ABHD3: variants seen among roughly 807,000 people sequenced by gnomAD.
ABHD3 encodes the protein abhydrolase domain containing 3, phospholipase.
Under a neutral mutation model 48.8 loss-of-function variants are expected in ABHD3, and 46 were observed. That is an observed-to-expected ratio of 0.94 (90% confidence interval 0.74 to 1.20). ABHD3 has a LOEUF of 1.20. Among genes scored for constraint, ABHD3 ranks in the 50% most tolerant of loss-of-function variants. The pLI is 0.00. For synonymous variants in ABHD3, 192 were observed against 183.7 expected, an observed-to-expected ratio of 1.04 and a Z score of -0.36; for missense variants, 490 against 497.8, an observed-to-expected ratio of 0.98 and a Z score of 0.15.
intron 4 of ABHD3, among the ~76,000 whole-genome samples, chr18:21,674,968 C>T (rs1431242749): frequency 6.6e-6 from 1 of 152,016 alleles, no homozygotes; most frequent in African/African-American, 2.4e-5. Context: ...ACTCTAAGTC[C>T]CTCCTACACT....
intron 4 of ABHD3, among the ~76,000 whole-genome samples, chr18:21,680,594 T>C (rs550878529): frequency 6.6e-5 from 10 of 152,062 alleles, no homozygotes; most frequent in Non-Finnish European, 1.2e-4. Flanking sequence ...TACTAGTTAA[T>C]CAAAATTTAA....
chr18:21,660,672 T>C (rs567051257), intron 5 of ABHD3, among the ~76,000 whole-genome samples: 4 of 152,302 alleles, frequency 2.6e-5, no homozygotes, highest in Non-Finnish European at 5.9e-5. Context: ...CTCATTCTTT[T>C]TTCCAGTTCA....
chr18:21,676,273 A>G (rs1197513931), intron 4 of ABHD3, among the ~76,000 whole-genome samples: 3 of 152,252 alleles, frequency 2.0e-5, no homozygotes, highest in African/African-American at 7.2e-5. Flanking sequence ...TCATTTACTC[A>G]TTTAAATGTT....
chr18:21,684,062 AAAAG>A, intron 3 of ABHD3, 97 bp from the exon 4 acceptor site: 1 of 1,058,650 alleles, frequency 9.4e-7, no homozygotes, highest in Non-Finnish European at 1.4e-6. Context: ...TTAGAGCACT[AAAAG>A]ATTTTAAAAA....
In ABHD3 at chr18:21,701,002, T is replaced by C. The variant is rs754744411; in HGVS notation, c.509+1314A>G. ...GAACCAAGCCTCACATCTAACTGTA[T>C]GGTGCTTAAACATGGAATAATGATG... On this transcript the variant is annotated intron_variant, in intron 3 of 8. Transcript: ENST00000289119. 2.0e-5 allele frequency among the ~76,000 whole-genome samples: 3 copies of C among 148,018 alleles called. No individual in the cohort carries two copies. The South Asian group carries it at 6.4e-4, about 32-fold the overall frequency.
intron 5 of ABHD3, among the ~76,000 whole-genome samples, chr18:21,661,268 T>C (rs1032735263): frequency 1.3e-5 from 2 of 152,084 alleles, no homozygotes; most frequent in Non-Finnish European, 2.9e-5. Context: ...TACTGTATGA[T>C]AGTTTGAAAT....
At chr18:21,697,211 G>A (rs2040390867) in intron 3 of ABHD3, among the ~76,000 whole-genome samples, 1 of 150,806 alleles carries the variant, frequency 6.6e-6, no homozygotes, top group Admixed American at 6.6e-5. Context: ...GAGTAGCTGG[G>A]ACTACAGGCA....
Position 21,664,633 on chromosome 18 carries a change from T to G in ABHD3, c.556-403A>C, listed in dbSNP as rs192982113. ...CCCTCAAAGACAAAATAACCTTTTT[T>G]TTTGTTTGTTTTGGAAAGACAGAGT... On this transcript the variant is annotated intron_variant, in intron 4 of 8. Transcript: ENST00000289119. 5.0e-4 allele frequency: 79 copies of G among 159,274 alleles called. 1 individual carries two copies. The highest frequency in any genetic ancestry group is 3.0e-3 in the Admixed American group (47 of 15,540). 9.9% of individuals were successfully genotyped at this position (159,274 alleles called of 1,614,324 possible). A position where few individuals can be genotyped will look rare whatever the true frequency, so the allele number is the denominator to read the frequency against.
intron 3 of ABHD3, among the ~76,000 whole-genome samples, chr18:21,694,710 T>G (rs995548999): frequency 6.6e-6 from 1 of 152,190 alleles, no homozygotes; most frequent in Non-Finnish European, 1.5e-5. Flanking sequence ...ACTCATCGAA[T>G]GGGTGATCCA....
chr18:21,703,834 C>T, intron 1 of ABHD3, 87 bp from the exon 2 acceptor site: 1 of 1,460,918 alleles, frequency 6.8e-7, no homozygotes. Flanking sequence ...TTGTCGCTCG[C>T]GCGCGCGCTT....
intron 4 of ABHD3, among the ~76,000 whole-genome samples, chr18:21,667,136 C>T (rs2039649631): frequency 1.4e-5 from 2 of 147,636 alleles, no homozygotes; most frequent in Admixed American, 1.4e-4. Flanking sequence ...TGCAGTGGTG[C>T]GATCTCGGCT....
chr18:21,697,651 G>A (rs1457033181), intron 3 of ABHD3, among the ~76,000 whole-genome samples: 1 of 152,208 alleles, frequency 6.6e-6, no homozygotes, highest in Non-Finnish European at 1.5e-5. Context: ...AAGGTGCTGG[G>A]ATAAGAGGCC....
At chr18:21,658,871 C>T (rs563233371) in intron 6 of ABHD3, among the ~76,000 whole-genome samples, 7 of 143,514 alleles carry the variant, frequency 4.9e-5, no homozygotes, top group Admixed American at 4.3e-4. Flanking sequence ...CGGAGTCTTG[C>T]TCTGTCACCC....
intron 5 of ABHD3, among the ~76,000 whole-genome samples, chr18:21,663,014 C>A (rs569041059): frequency 6.6e-6 from 1 of 152,132 alleles, no homozygotes; most frequent in African/African-American, 2.4e-5. Flanking sequence ...AGAGAGTCTG[C>A]GTGGGTTTTC....
At chr18:21,659,984 TTG>T (rs904057761) in intron 5 of ABHD3, among the ~76,000 whole-genome samples, 6 of 146,390 alleles carry the variant, frequency 4.1e-5, no homozygotes, top group South Asian at 2.2e-4. Context: ...TTTTTTTTTT[TTG>T]AGATAGGCTC....
intron 3 of ABHD3, among the ~76,000 whole-genome samples, chr18:21,684,916 C>A (rs556442123): frequency 6.6e-6 from 1 of 152,142 alleles, no homozygotes; most frequent in Non-Finnish European, 1.5e-5. Flanking sequence ...GGTAAATGGG[C>A]TCAGATCAAT....
intron 4 of ABHD3, among the ~76,000 whole-genome samples, chr18:21,668,980 C>T (rs865790724): frequency 1.3e-5 from 2 of 152,014 alleles, no homozygotes; most frequent in Admixed American, 6.6e-5. Flanking sequence ...CCCAGGTACT[C>T]GGGAGGCTGA....
chr18:21,686,179 A>C (rs575968025), intron 3 of ABHD3, among the ~76,000 whole-genome samples: 11 of 152,358 alleles, frequency 7.2e-5, no homozygotes, highest in African/African-American at 2.6e-4. Flanking sequence ...ACATACAGAA[A>C]AGTCAGAGTA....
chr18:21,668,192 A>C (rs1175808234), intron 4 of ABHD3, among the ~76,000 whole-genome samples: 7 of 110,524 alleles, frequency 6.3e-5, no homozygotes, highest in Non-Finnish European at 1.2e-4. Flanking sequence ...CAAAGCAAGA[A>C]TCTATCTCAA....
Sources: gnomAD v4.1 joint callset for allele counts (sites outside exome capture counted in the v4.1 genomes callset) on GRCh38, gnomAD v4.1.1 for gene constraint, MANE v1.5 for transcripts, NCBI Gene and HGNC (gene_info 2026-07-23, HGNC 2026-07-21) for gene names.